The following NKD1 variants were observed in gnomAD, a reference collection of about 807,000 sequenced individuals.
NKD1 encodes the protein NKD inhibitor of Wnt signaling pathway 1.
A neutral mutation model predicts 56.0 loss-of-function variants in NKD1; 21 were observed. The ratio of observed to expected loss-of-function variants is 0.38; its 90% confidence interval spans 0.27 to 0.54. The LOEUF (loss-of-function observed/expected upper bound fraction) is 0.54. Ranked by LOEUF, NKD1 falls within the 20% of genes least tolerant of loss-of-function variation. NKD1 has a pLI of 0.82. For synonymous variants in NKD1, 263 were observed against 265.7 expected, an observed-to-expected ratio of 0.99 and a Z score of 0.10; for missense variants, 578 against 642.7, an observed-to-expected ratio of 0.90 and a Z score of 1.09.
rs1282906897 is a variant in NKD1 at position 50,623,780 on chromosome 16, C to T, written c.367-1705C>T. On this transcript the variant is annotated intron_variant, in intron 5 of 9. Transcript: ENST00000268459. The surrounding 1 kb of genome is among the most constrained non-coding windows in gnomAD (Gnocchi z 4.1). ...GTGTGTGTGTACACAGGTATGTGAGCGTAGGATGTGCACGTATAGGGGTAT... is the reference window on the plus strand; with the variant it reads ...GTGTGTGTGTACACAGGTATGTGAGTGTAGGATGTGCACGTATAGGGGTAT... Among the ~76,000 whole-genome samples, 9 of 146,814 alleles carry T rather than the reference C, an allele frequency of 6.1e-5. No homozygotes were observed. The highest frequency in any genetic ancestry group is 1.8e-4 in the African/African-American group (7 of 38,888).
intron 3 of NKD1, among the ~76,000 whole-genome samples, chr16:50,603,267 G>T (rs904595780): frequency 6.6e-6 from 1 of 152,246 alleles, no homozygotes; most frequent in African/African-American, 2.4e-5. Context: ...CTGCCAGGTC[G>T]ATCTGGACGC....
chr16:50,584,121 GGCTTGCTCATGCTTCAAGA>G (rs1165758836), intron 3 of NKD1, among the ~76,000 whole-genome samples: 1 of 152,168 alleles, frequency 6.6e-6, no homozygotes, highest in African/African-American at 2.4e-5. Context: ...ATCTGGGCTG[GGCTTGCTCATGCTTCAAGA>G]CAGTTGGCCA....
rs138964473 is a variant in NKD1 at position 50,598,262 on chromosome 16, T to TGTGTGTGTGTGCGCAC, written c.193-10031_193-10030insTGTGTGTGTGCGCACG. On this transcript the variant is annotated intron_variant, in intron 3 of 9. Coordinates refer to ENST00000268459, the MANE Select transcript of NKD1 (RefSeq NM_033119.5). This position sits in a 1 kb window ranked among gnomAD's most constrained non-coding sequence, Gnocchi z 4.2. ...GTGTGTGTGTGTGTGTGTGTGTGTG[T>TGTGTGTGTGTGCGCAC]GCGCGCACACCTGTGCTCATGGACA... 6.7e-6 allele frequency among the ~76,000 whole-genome samples: 1 copy of TGTGTGTGTGTGCGCAC among 148,572 alleles called. No homozygotes were observed. The highest frequency in any genetic ancestry group is 2.6e-5 in the African/African-American group (1 of 39,058).
intron 3 of NKD1, among the ~76,000 whole-genome samples, chr16:50,567,933 T>G (rs913885016): frequency 2.0e-5 from 3 of 152,266 alleles, no homozygotes; most frequent in African/African-American, 7.2e-5. Context: ...TTTTTGACTT[T>G]CAGAAAAGGA....
At chr16:50,618,957 G>A (rs542192796) in intron 4 of NKD1, among the ~76,000 whole-genome samples, 1 of 152,328 alleles carries the variant, frequency 6.6e-6, no homozygotes, top group African/African-American at 2.4e-5. Context: ...GTGCACGGTG[G>A]AGGAAGAGTG....
At position 50,640,211 on chromosome 16, in the gene NKD1, C is replaced by T. The variant is rs561786492; in HGVS notation, c.*6430C>T. ...TAAGGGCGAGCACTGGAGAAGGCAACCTGGGACCCCCTGCGCTTCTGAGCA... is the reference window on the plus strand; with the variant it reads ...TAAGGGCGAGCACTGGAGAAGGCAATCTGGGACCCCCTGCGCTTCTGAGCA... On this transcript the variant is annotated 3_prime_UTR_variant, in exon 10 of 10. Coordinates refer to ENST00000268459, the MANE Select transcript of NKD1 (RefSeq NM_033119.5). 3.7e-4 allele frequency: 56 copies of T among 152,238 alleles called. No homozygotes were observed. The highest frequency in any genetic ancestry group is 3.2e-3 in the Middle Eastern group (1 of 316). 9.4% of individuals were successfully genotyped at this position (152,238 alleles called of 1,614,324 possible).
chr16:50,583,598 T>C (rs907026387), intron 3 of NKD1, among the ~76,000 whole-genome samples: 4 of 152,070 alleles, frequency 2.6e-5, no homozygotes, highest in Admixed American at 6.5e-5. Flanking sequence ...AAAATGATGG[T>C]TTTAAGTCAC....
chr16:50,596,401 C>G (rs1961472957), intron 3 of NKD1, among the ~76,000 whole-genome samples: 1 of 151,864 alleles, frequency 6.6e-6, no homozygotes, highest in African/African-American at 2.4e-5. Context: ...AAACACTTTG[C>G]TGTAATTTCT....
At chr16:50,603,713 C>G (rs866295298) in intron 3 of NKD1, among the ~76,000 whole-genome samples, 1 of 152,248 alleles carries the variant, frequency 6.6e-6, no homozygotes, top group Non-Finnish European at 1.5e-5. Flanking sequence ...AACTCCAGCT[C>G]GCTCCCCAAG....
chr16:50,636,318 T>A lies in NKD1; in HGVS notation c.*2537T>A, dbSNP rs1024385844. ...GAGCAGTTCCTCTGCCTCCCTAAGCTCCACACCTGTCAGGATTCTGTTACT... is the reference window on the plus strand; with the variant it reads ...GAGCAGTTCCTCTGCCTCCCTAAGCACCACACCTGTCAGGATTCTGTTACT... On this transcript the variant is annotated 3_prime_UTR_variant, in exon 10 of 10. Transcript: ENST00000268459. 2.6e-5 allele frequency: 4 copies of A among 152,182 alleles called. No individual in the cohort carries two copies. Among genetic ancestry groups the A allele is most frequent in the Admixed American group, 1.3e-4 (2 of 15,272 alleles). The allele number at this position is 152,182 out of a possible 1,614,324, so 9.4% of individuals were successfully genotyped here. A position where few individuals can be genotyped will look rare whatever the true frequency, so the allele number is the denominator to read the frequency against.
chr16:50,571,480 A>T, intron 3 of NKD1: 2 of 985,302 alleles, frequency 2.0e-6, no homozygotes, highest in Non-Finnish European at 2.4e-6. Context: ...CACACACCCA[A>T]ACAGCCTGTC....
intron 3 of NKD1, among the ~76,000 whole-genome samples, chr16:50,599,077 C>T (rs1332287246): frequency 2.6e-5 from 4 of 152,108 alleles, no homozygotes; most frequent in East Asian, 3.9e-4. Flanking sequence ...CTGCTCTCTG[C>T]AGCCGGCCAG....
At chr16:50,594,051 C>T (rs911409867) in intron 3 of NKD1, among the ~76,000 whole-genome samples, 5 of 151,952 alleles carry the variant, frequency 3.3e-5, no homozygotes, top group East Asian at 1.9e-4. Flanking sequence ...GCCTGAAACG[C>T]GCTGGCTGAA....
Position 50,571,380 on chromosome 16 carries a change from G to T in NKD1, c.192+21825G>T, listed in dbSNP as rs969842409. On this transcript the variant is annotated intron_variant, in intron 3 of 9. Transcript: ENST00000268459. ...GGCCGCACAGCCTGGTGGAACCAGG[G>T]TTTGTGCACATGGAGGCTTTGGGGG... The T allele has an allele frequency of 1.4e-5, 8 of 586,050 alleles. No homozygotes were observed. The East Asian group carries it at 1.0e-3, about 73-fold the overall frequency. The allele number at this position is 586,050 out of a possible 1,614,324, so 36.3% of individuals were successfully genotyped here.
At chr16:50,608,102 C>T (rs556030928) in intron 3 of NKD1, 192 bp from the exon 4 acceptor site, 42 of 596,938 alleles carry the variant, frequency 7.0e-5, no homozygotes, top group African/African-American at 6.1e-4. Flanking sequence ...TGTGCTGATG[C>T]GTGTGGGTTT....
chr16:50,608,534 C>T (rs1961769931), intron 4 of NKD1, 174 bp downstream of exon 4: 4 of 643,858 alleles, frequency 6.2e-6, no homozygotes, highest in Non-Finnish European at 1.1e-5. Flanking sequence ...GAGTAAGAGA[C>T]AGGTGTGGTA....
chr16:50,616,094 T>C (rs1267202454), intron 4 of NKD1: 4 of 455,780 alleles, frequency 8.8e-6, no homozygotes, highest in African/African-American at 8.0e-5. Flanking sequence ...CAAGCAACCC[T>C]GAGACTAAAA....
At position 50,645,556 on chromosome 16, in the gene NKD1, G is replaced by T. The variant is rs887601747; in HGVS notation, c.*11775G>T. 5.3e-5 allele frequency: 8 copies of T among 152,218 alleles called. No homozygotes were observed. Among genetic ancestry groups the T allele is most frequent in the African/African-American group, 1.9e-4 (8 of 41,434 alleles). The allele number at this position is 152,218 out of a possible 1,614,324, so 9.4% of individuals were successfully genotyped here. A position where few individuals can be genotyped will look rare whatever the true frequency, so the allele number is the denominator to read the frequency against. On this transcript the variant is annotated 3_prime_UTR_variant, in exon 10 of 10. Transcript: ENST00000268459. ...GGAGAGTCTGCTTGTCACCCCAAGA[G>T]ACACATCAGGAAGCTAGGTGGTCAG...
intron 3 of NKD1, among the ~76,000 whole-genome samples, chr16:50,587,464 A>C (rs1961255155): frequency 6.6e-6 from 1 of 152,206 alleles, no homozygotes; most frequent in Admixed American, 6.5e-5. Flanking sequence ...ACATTGTATT[A>C]CTTTGGGGGG....
Sources: gnomAD v4.1 joint callset for allele counts (sites outside exome capture counted in the v4.1 genomes callset) on GRCh38, gnomAD v4.1.1 for gene constraint, Gnocchi (gnomAD v3.1) non-coding constraint, MANE v1.5 for transcripts, NCBI Gene and HGNC (gene_info 2026-07-23, HGNC 2026-07-21) for gene names.